Variants in SPATA13 observed in about 807,000 individuals in gnomAD.
The protein encoded by SPATA13 is spermatogenesis-associated protein 13.
SPATA13 carries 50 observed loss-of-function variants against 104.0 expected under a neutral mutation model. The observed-to-expected ratio is 0.48, with a 90% CI of 0.38 to 0.61. The LOEUF (loss-of-function observed/expected upper bound fraction) is 0.61, where lower values mean the gene tolerates loss of function less well. SPATA13 is among the 20% of genes least tolerant of loss of function. The pLI is 0.00. For synonymous variants in SPATA13, 606 were observed against 667.5 expected, an observed-to-expected ratio of 0.91 and a Z score of 1.42; for missense variants, 1,524 against 1,690.6, an observed-to-expected ratio of 0.90 and a Z score of 1.73.
chr13:24,188,234 G>A (rs1295069021), intron 1 of SPATA13, among the ~76,000 whole-genome samples: 9 of 151,936 alleles, frequency 5.9e-5, no homozygotes, highest in South Asian at 2.1e-4. Flanking sequence ...CCAGCTACTC[G>A]GGAGGCTGAG....
intron 1 of SPATA13, among the ~76,000 whole-genome samples, chr13:24,172,011 A>G (rs953694938): frequency 1.3e-5 from 2 of 152,274 alleles, no homozygotes; most frequent in African/African-American, 2.4e-5. Context: ...ACTGTACTAC[A>G]ATGGTGGAAC....
chr13:24,187,577 C>T (rs930176134), intron 1 of SPATA13, among the ~76,000 whole-genome samples: 1 of 152,140 alleles, frequency 6.6e-6, no homozygotes, highest in Non-Finnish European at 1.5e-5. Context: ...ATAGCATGTG[C>T]GTACATCTTG....
chr13:24,122,978 AG>A (rs1379217295), intron 3 of SPATA13: 3 of 806,834 alleles, frequency 3.7e-6, no homozygotes, highest in Non-Finnish European at 6.7e-6. Context: ...TTCCCATAGC[AG>A]TAACTGCTTT....
In SPATA13 at chr13:24,286,804, A is replaced by C. The variant is rs780480617; in HGVS notation, c.2521A>C (p.Ser841Arg). The C allele has an allele frequency of 1.9e-6, 3 of 1,613,548 alleles. No homozygotes were observed. Among genetic ancestry groups the C allele is most frequent in the African/African-American group, 2.7e-5 (2 of 74,854 alleles). The change falls in exon 7 of 13, where the codon AGC (serine) becomes CGC (arginine). Residue 841 changes from serine (S) to arginine (R), a missense_variant. Around this residue, in one of 2 missense-constraint regions of SPATA13, gnomAD observed 1,089 missense variants for 1,135.9 expected, o/e 0.96. Transcript: ENST00000382108. This position sits in a 1 kb window ranked among gnomAD's most constrained non-coding sequence, Gnocchi z 4.9. ...NQEELSENSSSTPSEEQDEEA... is the reference protein window; with the variant it reads ...NQEELSENSSRTPSEEQDEEA... ...GGAAGAGCTGTCGGAAAACTCCAGC[A>C]GCACCCCCAGTGAGGAGCAGGACGA...
rs545322130 is a variant in SPATA13 at position 24,104,151 on chromosome 13, A to AT, written c.-112+86451dup. On this transcript the variant is annotated intron_variant, in intron 3 of 14. Coordinates refer to the SPATA13 transcript ENST00000424834. The stretch of plus-strand genomic sequence containing the variant: ...ATGTCCGTGTCAGTCTGCTCACCAC[A>AT]TGTGTACGTGCTGAGAAAATCCCAG... Among the ~76,000 whole-genome samples the AT allele has an allele frequency of 2.4e-3, 363 of 152,122 alleles. 1 individual carries two copies. Among genetic ancestry groups the AT allele is most frequent in the Non-Finnish European group, 3.9e-3 (263 of 68,002 alleles).
intron 3 of SPATA13, 139 bp downstream of exon 3, chr13:24,249,981 C>G (rs1873393959): frequency 8.7e-7 from 1 of 1,152,246 alleles, no homozygotes; most frequent in African/African-American, 1.6e-5. Flanking sequence ...ACCTTTTCTT[C>G]CTGACTGTGT....
In SPATA13 at chr13:24,222,948, C is replaced by A; in HGVS notation, c.19C>A (p.Arg7=). 6.4e-7 allele frequency: 1 copy of A among 1,551,092 alleles called. No individual in the cohort carries two copies. The highest frequency in any genetic ancestry group is 1.2e-5 in the South Asian group (1 of 84,014). Reference sequence around the variant, plus strand: ...CGTGGCCATGACCCAGGCTGCCGTGCGGCCCTGGGCACCCTGCCTGGAGAA... The same window carrying A: ...CGTGGCCATGACCCAGGCTGCCGTGAGGCCCTGGGCACCCTGCCTGGAGAA... MTQAAV[R]PWAPCLENMT... Residue 7 remains arginine (R), a synonymous_variant, in exon 2 of 13, where the codon CGG becomes AGG. Transcript: ENST00000382108.
At chr13:24,123,827 G>T in intron 3 of SPATA13, 1 of 819,814 alleles carries the variant, frequency 1.2e-6, no homozygotes, top group Non-Finnish European at 2.1e-6. Flanking sequence ...AAATTACAAA[G>T]GCAGTGAAGG....
chr13:24,021,610 A>G lies in SPATA13; in HGVS notation c.-112+3909A>G, dbSNP rs1876973832. Among the ~76,000 whole-genome samples the G allele has an allele frequency of 2.0e-5, 3 of 152,382 alleles. No individual in the cohort carries two copies. The South Asian group carries it at 6.2e-4, about 32-fold the overall frequency. The stretch of plus-strand genomic sequence containing the variant: ...TTGTCTCTAATTGTTTTGAACGTCA[A>G]AATTTGACCAAATGATCTCTTAATC... On this transcript the variant is annotated intron_variant, in intron 3 of 14. Coordinates refer to the SPATA13 transcript ENST00000424834.
At chr13:24,045,645 G>A (rs1015942872) in intron 3 of SPATA13, among the ~76,000 whole-genome samples, 2 of 152,236 alleles carry the variant, frequency 1.3e-5, no homozygotes, top group African/African-American at 4.8e-5. Context: ...CTCAAGGGAA[G>A]TCGAGAAGTT....
intron 3 of SPATA13, among the ~76,000 whole-genome samples, chr13:24,101,753 A>G (rs916590438): frequency 6.6e-6 from 1 of 152,220 alleles, no homozygotes; most frequent in Non-Finnish European, 1.5e-5. Context: ...TGCCACTGAC[A>G]TATTTCATGT....
intron 2 of SPATA13, among the ~76,000 whole-genome samples, chr13:24,245,915 G>C (rs895770183): frequency 6.6e-6 from 1 of 152,064 alleles, no homozygotes; most frequent in Non-Finnish European, 1.5e-5. Flanking sequence ...GTGCTCTACT[G>C]TGCTGACTCT....
At chr13:24,031,351 C>T (rs2063870997) in intron 3 of SPATA13, among the ~76,000 whole-genome samples, 1 of 152,196 alleles carries the variant, frequency 6.6e-6, no homozygotes, top group Admixed American at 6.5e-5. Context: ...GACTCTAGCA[C>T]ACCAATTCAT....
intron 3 of SPATA13, among the ~76,000 whole-genome samples, chr13:24,042,380 C>A (rs1345710279): frequency 6.6e-6 from 1 of 152,216 alleles, no homozygotes; most frequent in Non-Finnish European, 1.5e-5. Context: ...GCAGTTCTAG[C>A]CTTTGTGGAA....
intron 1 of SPATA13, among the ~76,000 whole-genome samples, chr13:24,206,909 T>C (rs1014734877): frequency 1.4e-5 from 2 of 143,970 alleles, no homozygotes; most frequent in Non-Finnish European, 3.0e-5. Context: ...AAAAAAAAGA[T>C]ACATGCATGC....
At position 24,139,082 on chromosome 13, in the gene SPATA13, C is replaced by T. The variant is rs192456406; in HGVS notation, c.-111-83737C>T. 2.0e-3 allele frequency among the ~76,000 whole-genome samples: 300 copies of T among 152,232 alleles called. 4 individuals are homozygous for T. Among genetic ancestry groups the T allele is most frequent in the Non-Finnish European group, 9.7e-4 (66 of 68,022 alleles). On this transcript the variant is annotated intron_variant, in intron 3 of 14. Transcript: ENST00000424834. ...CAGCAGAGTTGTGCTCTGACAGCTC[C>T]GGGGGTGCATCCTTCCTCGCCTCTT...
At chr13:24,287,807 G>A (rs1876065153) in intron 7 of SPATA13, among the ~76,000 whole-genome samples, 1 of 152,216 alleles carries the variant, frequency 6.6e-6, no homozygotes, top group South Asian at 2.1e-4. Flanking sequence ...TTGTCTTCCT[G>A]TGGTATTTTG....
intron 3 of SPATA13, among the ~76,000 whole-genome samples, chr13:24,115,427 G>C (rs1880802062): frequency 6.6e-6 from 1 of 152,254 alleles, no homozygotes; most frequent in South Asian, 2.1e-4. Context: ...CCACCTGTCA[G>C]ATCATCAGGG....
chr13:24,012,859 G>T (rs1876537742), intron 2 of SPATA13, among the ~76,000 whole-genome samples: 1 of 152,220 alleles, frequency 6.6e-6, no homozygotes, highest in Non-Finnish European at 1.5e-5. Context: ...TGCAGGTCGG[G>T]GCTTTCACGG....
Sources: gnomAD v4.1 joint callset for allele counts (sites outside exome capture counted in the v4.1 genomes callset) on GRCh38, gnomAD v4.1.1 for gene constraint, gnomAD v4.1.1 regional missense constraint, Gnocchi (gnomAD v3.1) non-coding constraint, MANE v1.5 for transcripts, NCBI Gene and HGNC (gene_info 2026-07-23, HGNC 2026-07-21) for gene names.